BABAM2: variants seen among roughly 807,000 people sequenced by gnomAD.
BABAM2 encodes the protein BRISC and BRCA1-A complex member 2.
A neutral mutation model predicts 54.7 loss-of-function variants in BABAM2; 31 were observed. The observed-to-expected ratio is 0.57, with a 90% CI of 0.43 to 0.77. The LOEUF (loss-of-function observed/expected upper bound fraction) is 0.77, where lower values mean the gene tolerates loss of function less well. Among genes scored for constraint, BABAM2 ranks in the 30% least tolerant of loss-of-function variants. The probability of loss-of-function intolerance (pLI) is 0.00; values close to 1 mark genes in which losing one functional copy is unlikely to be tolerated. For synonymous variants in BABAM2, 167 were observed against 162.9 expected, an observed-to-expected ratio of 1.03 and a Z score of -0.19; for missense variants, 364 against 455.8, an observed-to-expected ratio of 0.80 and a Z score of 1.83.
intron 3 of BABAM2, among the ~76,000 whole-genome samples, chr2:27,948,211 T>A (rs1669438735): frequency 6.6e-6 from 1 of 152,092 alleles, no homozygotes; most frequent in African/African-American, 2.4e-5. Flanking sequence ...CTGTTGAAAA[T>A]TATATTTTTT....
chr2:28,321,621 C>T (rs561668312), intron 11 of BABAM2, among the ~76,000 whole-genome samples: 1 of 152,260 alleles, frequency 6.6e-6, no homozygotes, highest in East Asian at 1.9e-4. Context: ...GAAATTCCTT[C>T]CATGGTAAGC....
At chr2:28,285,044 G>A (rs1261275456) in intron 10 of BABAM2, among the ~76,000 whole-genome samples, 1 of 152,144 alleles carries the variant, frequency 6.6e-6, no homozygotes, top group African/African-American at 2.4e-5. Context: ...TGGCAAAGGA[G>A]GAATCAAGCC....
intron 6 of BABAM2, among the ~76,000 whole-genome samples, chr2:28,095,678 T>TTTC (rs1666553303): frequency 6.6e-6 from 1 of 152,222 alleles, no homozygotes; most frequent in Admixed American, 6.5e-5. Flanking sequence ...TTAGGGTTCT[T>TTTC]ATGAAAAGAT....
At position 28,261,351 on chromosome 2, in the gene BABAM2, G is replaced by A. The variant is rs59557676; in HGVS notation, c.934+16489G>A. Among the ~76,000 whole-genome samples, 1,244 of 144,826 alleles carry A rather than the reference G, an allele frequency of 8.6e-3. 12 individuals are homozygous for A. Among genetic ancestry groups the A allele is most frequent in the African/African-American group, 0.029 (1,161 of 39,360 alleles). Reference sequence around the variant, plus strand: ...GAATTTTTTTTTTTTTTTTGAGGCGGAGTCTTGCTCTGTCGCCCAGGCTGG... The same window carrying A: ...GAATTTTTTTTTTTTTTTTGAGGCGAAGTCTTGCTCTGTCGCCCAGGCTGG... On this transcript the variant is annotated intron_variant, in intron 10 of 11. Coordinates refer to ENST00000379624, the MANE Select transcript of BABAM2 (RefSeq NM_199191.3).
At position 27,951,169 on chromosome 2, in the gene BABAM2, A is replaced by G. The variant is rs534999369; in HGVS notation, c.205+21261A>G. 1.1e-4 allele frequency among the ~76,000 whole-genome samples: 17 copies of G among 152,202 alleles called. No individual in the cohort carries two copies. In the South Asian group the frequency reaches 1.7e-3, roughly 15 times the overall value. On this transcript the variant is annotated intron_variant, in intron 3 of 11. Transcript: ENST00000379624. ...TCTGTTTTCTGTTTTATTGATTTCC[A>G]TTCAGATTTTAAATATTCTTTTACT...
At chr2:27,902,579 A>T (rs904170315) in intron 2 of BABAM2, among the ~76,000 whole-genome samples, 16 of 152,180 alleles carry the variant, frequency 1.1e-4, no homozygotes, top group African/African-American at 3.6e-4. Context: ...TGCCAAGCTG[A>T]TGAGATGCGA....
intron 10 of BABAM2, among the ~76,000 whole-genome samples, chr2:28,256,981 C>T (rs1558477686): frequency 1.3e-5 from 2 of 152,262 alleles, no homozygotes; most frequent in South Asian, 2.1e-4. Flanking sequence ...AGGCATGAGA[C>T]ACCACGCCCG....
At chr2:28,245,396 C>T (rs879291014) in intron 10 of BABAM2, among the ~76,000 whole-genome samples, 3 of 152,150 alleles carry the variant, frequency 2.0e-5, no homozygotes, top group Non-Finnish European at 4.4e-5. Context: ...AAATGTAATA[C>T]ATAACTTAAA....
rs187056217 is a variant in BABAM2, at chr2:27,909,107, A to G, written c.128+14423A>G. 6.8e-3 allele frequency among the ~76,000 whole-genome samples: 1,032 copies of G among 152,158 alleles called. 11 individuals are homozygous for G. Among genetic ancestry groups the G allele is most frequent in the African/African-American group, 0.024 (979 of 41,522 alleles). On this transcript the variant is annotated intron_variant, in intron 2 of 11. Transcript: ENST00000379624. ...ACCCAGGCTGGAGTGCAGTGGGGCAATCACAGCTCACTGTGCAGCCTCCAC... is the reference window on the plus strand; with the variant it reads ...ACCCAGGCTGGAGTGCAGTGGGGCAGTCACAGCTCACTGTGCAGCCTCCAC...
intron 6 of BABAM2, among the ~76,000 whole-genome samples, chr2:28,066,170 A>AAAT (rs1558304454): frequency 4.0e-5 from 6 of 150,924 alleles, no homozygotes; most frequent in Non-Finnish European, 8.9e-5. Flanking sequence ...TCTCAAAAAA[A>AAAT]AAATAAATAA....
intron 4 of BABAM2, among the ~76,000 whole-genome samples, chr2:27,999,400 A>G (rs1673407955): frequency 6.6e-6 from 1 of 152,176 alleles, no homozygotes; most frequent in African/African-American, 2.4e-5. Context: ...GAGAAGCATC[A>G]TATACCAAGG....
intron 6 of BABAM2, among the ~76,000 whole-genome samples, chr2:28,112,146 T>TTTCTTTCCTTCCTTCC (rs1344247281): frequency 9.5e-5 from 1 of 10,558 alleles, no homozygotes; most frequent in Non-Finnish European, 1.5e-4. Flanking sequence ...TCTTTCTTTC[T>TTTCTTTCCTTCCTTCC]TTACCTCCCT....
chr2:28,192,113 C>A (rs765293535), intron 7 of BABAM2, among the ~76,000 whole-genome samples: 5 of 152,170 alleles, frequency 3.3e-5, no homozygotes, highest in Non-Finnish European at 5.9e-5. Flanking sequence ...CGGCTCTCTG[C>A]AAGCTCCGCC....
chr2:28,115,880 C>T lies in BABAM2; in HGVS notation c.571-13391C>T, dbSNP rs112522736. ...CTGTAATCCCAGCACTTTGGGATGC[C>T]GAGGTGGGTGGATCACCTGAGGTCG... On this transcript the variant is annotated intron_variant, in intron 6 of 11. Coordinates refer to ENST00000379624, the MANE Select transcript of BABAM2 (RefSeq NM_199191.3). 5.5e-3 allele frequency among the ~76,000 whole-genome samples: 832 copies of T among 151,820 alleles called. 11 individuals are homozygous for T. Among genetic ancestry groups the T allele is most frequent in the African/African-American group, 0.019 (772 of 41,406 alleles).
chr2:28,157,459 C>T (rs568815763), intron 7 of BABAM2, among the ~76,000 whole-genome samples: 4 of 152,328 alleles, frequency 2.6e-5, no homozygotes, highest in African/African-American at 9.6e-5. Context: ...TCAAGGTAGA[C>T]AGGCTGCTAT....
chr2:28,163,036 G>A (rs916855766), intron 7 of BABAM2, among the ~76,000 whole-genome samples: 5 of 152,068 alleles, frequency 3.3e-5, no homozygotes, highest in African/African-American at 1.2e-4. Context: ...ATCAAAACTA[G>A]TACCAAATAT....
chr2:28,194,224 T>A (rs963483968), intron 7 of BABAM2, among the ~76,000 whole-genome samples: 3 of 152,000 alleles, frequency 2.0e-5, no homozygotes, highest in Admixed American at 1.3e-4. Flanking sequence ...TAAGCCACGG[T>A]GAGAGCTGCA....
chr2:28,149,314 T>A (rs1671801596), intron 7 of BABAM2, among the ~76,000 whole-genome samples: 1 of 152,204 alleles, frequency 6.6e-6, no homozygotes, highest in South Asian at 2.1e-4. Context: ...AACCTTCACC[T>A]GGTGTCCTAA....
At chr2:28,327,402 G>C (rs745340241) in intron 11 of BABAM2, 1 of 1,611,272 alleles carries the variant, frequency 6.2e-7, no homozygotes, top group Non-Finnish European at 8.5e-7. Flanking sequence ...CCTCCTTGGA[G>C]GGCCTCAGAG....
Sources: gnomAD v4.1 joint callset for allele counts (sites outside exome capture counted in the v4.1 genomes callset) on GRCh38, gnomAD v4.1.1 for gene constraint, MANE v1.5 for transcripts, NCBI Gene and HGNC (gene_info 2026-07-23, HGNC 2026-07-21) for gene names.